Variants in RHBDL3 observed in about 807,000 individuals in gnomAD.
RHBDL3 encodes the protein rhomboid-related protein 3.
Under a neutral mutation model 48.2 loss-of-function variants are expected in RHBDL3, and 28 were observed. The ratio of observed to expected loss-of-function variants is 0.58; its 90% confidence interval spans 0.43 to 0.80. The LOEUF (loss-of-function observed/expected upper bound fraction) is 0.80. RHBDL3 is among the 30% of genes least tolerant of loss of function. The pLI is 0.00. For missense variants in RHBDL3, 464 were observed against 542.7 expected (o/e 0.85, Z 1.44); for synonymous variants, 208 against 232.3 (o/e 0.90, Z 0.95).
chr17:32,278,035 C>T (rs1383645438), intron 2 of RHBDL3, among the ~76,000 whole-genome samples: 1 of 152,118 alleles, frequency 6.6e-6, no homozygotes, highest in Non-Finnish European at 1.5e-5. Flanking sequence ...TGGTGGCTCA[C>T]ACCTGTAATC....
At chr17:32,271,895 CAT>C (rs2150689600) in intron 2 of RHBDL3, among the ~76,000 whole-genome samples, 1 of 152,288 alleles carries the variant, frequency 6.6e-6, no homozygotes, top group Non-Finnish European at 1.5e-5. Context: ...TAAACATAAA[CAT>C]GTGCTACGAT....
intron 5 of RHBDL3, 55 bp downstream of exon 5, chr17:32,294,497 TC>T: frequency 6.6e-7 from 1 of 1,512,294 alleles, no homozygotes; most frequent in Non-Finnish European, 9.0e-7. Flanking sequence ...AAATAAGTGG[TC>T]AAGATAGCCT....
intron 2 of RHBDL3, among the ~76,000 whole-genome samples, chr17:32,283,761 C>G (rs762055866): frequency 5.9e-5 from 9 of 152,206 alleles, no homozygotes; most frequent in Middle Eastern, 3.4e-3. Flanking sequence ...TGCTAAGTAC[C>G]GGGGATAAGT....
intron 3 of RHBDL3, among the ~76,000 whole-genome samples, chr17:32,285,025 C>G (rs1274316966): frequency 1.3e-5 from 2 of 152,200 alleles, no homozygotes; most frequent in African/African-American, 2.4e-5. Flanking sequence ...ATCCTCAAGG[C>G]AGCACCTGGC....
intron 2 of RHBDL3, among the ~76,000 whole-genome samples, chr17:32,274,878 G>C (rs981982635): frequency 2.0e-5 from 3 of 152,102 alleles, no homozygotes; most frequent in African/African-American, 7.2e-5. Flanking sequence ...GTGTGCATGT[G>C]TGTGTGTGTG....
intron 2 of RHBDL3, 151 bp from the exon 3 acceptor site, chr17:32,284,508 A>AG (rs2040147456): frequency 7.5e-6 from 5 of 663,300 alleles, no homozygotes; most frequent in Middle Eastern, 4.2e-4. Context: ...GATGTTTCCC[A>AG]GGGGGGTCCT....
intron 8 of RHBDL3, among the ~76,000 whole-genome samples, chr17:32,319,492 G>A (rs1330241651): frequency 6.6e-6 from 1 of 151,182 alleles, no homozygotes; most frequent in Non-Finnish European, 1.5e-5. Context: ...CGGAGTTGGA[G>A]ACCATCATCT....
intron 6 of RHBDL3, 145 bp from the exon 7 acceptor site, chr17:32,305,196 C>G: frequency 3.1e-6 from 2 of 641,196 alleles, no homozygotes; most frequent in Non-Finnish European, 5.7e-6. Flanking sequence ...GGGAATCTCC[C>G]TGGCAACATG....
At chr17:32,281,982 C>A (rs772784199) in intron 2 of RHBDL3, among the ~76,000 whole-genome samples, 30 of 152,226 alleles carry the variant, frequency 2.0e-4, no homozygotes, top group Admixed American at 2.6e-4. Context: ...CACTTCACCT[C>A]CCCGTGCTAA....
intron 4 of RHBDL3, among the ~76,000 whole-genome samples, chr17:32,293,516 A>G (rs1204022634): frequency 6.6e-6 from 1 of 151,332 alleles, no homozygotes; most frequent in African/African-American, 2.4e-5. Flanking sequence ...CGGGAGGCGG[A>G]GGTTGCAGTG....
chr17:32,284,418 C>A (rs2040145131), intron 2 of RHBDL3: 2 of 466,846 alleles, frequency 4.3e-6, no homozygotes, highest in Non-Finnish European at 7.6e-6. Flanking sequence ...CCTCTCTGAG[C>A]CTCAGTTTCC....
chr17:32,317,359 A>C (rs1180605022), intron 8 of RHBDL3, among the ~76,000 whole-genome samples: 1 of 152,240 alleles, frequency 6.6e-6, no homozygotes, highest in African/African-American at 2.4e-5. Context: ...ACTCATGTGC[A>C]TACACACATA....
chr17:32,314,624 G>A lies in RHBDL3; in HGVS notation c.883-1608G>A, dbSNP rs558241343. ...AGGGAGACAGGGAGCACCCCATCAC[G>A]TGGGCTGGAGGGCCATCTTGTTGGC... On this transcript the variant is annotated intron_variant, in intron 7 of 8. Coordinates refer to ENST00000269051, the MANE Select transcript of RHBDL3 (RefSeq NM_138328.3). 3.3e-5 allele frequency among the ~76,000 whole-genome samples: 5 copies of A among 152,302 alleles called. No homozygotes were observed. In the South Asian group the frequency reaches 1.0e-3, roughly 32 times the overall value.
At chr17:32,302,860 G>A (rs1388395390) in intron 6 of RHBDL3, among the ~76,000 whole-genome samples, 2 of 152,150 alleles carry the variant, frequency 1.3e-5, no homozygotes, top group Non-Finnish European at 2.9e-5. Flanking sequence ...CTGTTCTCTA[G>A]GCCCCATCCC....
At chr17:32,275,303 TG>T (rs746338859) in intron 2 of RHBDL3, among the ~76,000 whole-genome samples, 1 of 152,196 alleles carries the variant, frequency 6.6e-6, no homozygotes, top group Non-Finnish European at 1.5e-5. Context: ...CTGCTCCTCC[TG>T]GGTACCCAAG....
chr17:32,276,872 A>C (rs191386475), intron 2 of RHBDL3, among the ~76,000 whole-genome samples: 202 of 39,284 alleles, frequency 5.1e-3, no homozygotes, highest in South Asian at 0.012. Flanking sequence ...GCCCTAGCAC[A>C]GTACTGCGGC....
intron 6 of RHBDL3, among the ~76,000 whole-genome samples, chr17:32,302,903 C>G (rs943056893): frequency 6.6e-6 from 1 of 152,216 alleles, no homozygotes; most frequent in Non-Finnish European, 1.5e-5. Context: ...GTGTTCTGCT[C>G]CATGGGTTAG....
At chr17:32,291,926 C>G (rs1014755250) in intron 4 of RHBDL3, among the ~76,000 whole-genome samples, 3 of 151,810 alleles carry the variant, frequency 2.0e-5, no homozygotes, top group African/African-American at 7.3e-5. Context: ...TGCCTGCCAC[C>G]ACGCCCGGCT....
At chr17:32,309,128 G>A (rs1431384468) in intron 7 of RHBDL3, among the ~76,000 whole-genome samples, 2 of 151,738 alleles carry the variant, frequency 1.3e-5, no homozygotes, top group Non-Finnish European at 2.9e-5. Context: ...AATTCATATC[G>A]TTCTACCTAA....
Sources: allele counts gnomAD v4.1 joint callset (sites outside exome capture counted in the v4.1 genomes callset), GRCh38; gene constraint gnomAD v4.1.1; transcripts MANE v1.5; gene names NCBI Gene and HGNC (gene_info 2026-07-23, HGNC 2026-07-21).